Variants in RALGPS1 observed in about 807,000 individuals in gnomAD.
RALGPS1 encodes the protein Ral GEF with PH domain and SH3 binding motif 1.
Under a neutral mutation model 78.8 loss-of-function variants are expected in RALGPS1, and 19 were observed. The observed-to-expected ratio is 0.24, with a 90% CI of 0.17 to 0.35. The LOEUF (loss-of-function observed/expected upper bound fraction) is 0.35, where lower values mean the gene tolerates loss of function less well. Among genes scored for constraint, RALGPS1 ranks in the 10% least tolerant of loss-of-function variants. The probability of loss-of-function intolerance (pLI) is 1.00; values close to 1 mark genes in which losing one functional copy is unlikely to be tolerated. For synonymous variants in RALGPS1, 228 were observed against 256.3 expected, an observed-to-expected ratio of 0.89 and a Z score of 1.06; for missense variants, 454 against 688.3, an observed-to-expected ratio of 0.66 and a Z score of 3.81.
chr9:126,916,655 A>T (rs1038487503), intron 1 of RALGPS1, among the ~76,000 whole-genome samples: 1 of 152,108 alleles, frequency 6.6e-6, no homozygotes, highest in African/African-American at 2.4e-5. Context: ...GGTGGCGGGC[A>T]CCTGTAATCT....
intron 8 of RALGPS1, among the ~76,000 whole-genome samples, chr9:127,075,147 G>A (rs2050567083): frequency 6.6e-6 from 1 of 152,170 alleles, no homozygotes; most frequent in South Asian, 2.1e-4. Context: ...TTCCCAAGAG[G>A]CTCCATGGAG....
chr9:127,040,091 A>C (rs978554061), intron 5 of RALGPS1, among the ~76,000 whole-genome samples: 1 of 152,096 alleles, frequency 6.6e-6, no homozygotes, highest in African/African-American at 2.4e-5. Flanking sequence ...AGGGAAGTTA[A>C]ACTAGTGTCA....
chr9:127,182,159 T>G (rs1360699197), intron 11 of RALGPS1, among the ~76,000 whole-genome samples: 1 of 141,714 alleles, frequency 7.1e-6, no homozygotes, highest in Non-Finnish European at 1.5e-5. Context: ...CTGAGCAATA[T>G]GGCAAAACCC....
chr9:127,079,607 A>G (rs371468370), intron 8 of RALGPS1: 3 of 152,348 alleles, frequency 2.0e-5, no homozygotes, highest in East Asian at 3.9e-4. Flanking sequence ...GGAGGAATCC[A>G]GCTGCTCTGT....
intron 8 of RALGPS1, among the ~76,000 whole-genome samples, chr9:127,105,916 A>G (rs2054173839): frequency 6.6e-6 from 1 of 152,218 alleles, no homozygotes; most frequent in South Asian, 2.1e-4. Context: ...ACATGACATA[A>G]TGTTTCATGC....
chr9:127,140,069 ATATTAT>A (rs1165786738), intron 8 of RALGPS1, among the ~76,000 whole-genome samples: 1 of 152,136 alleles, frequency 6.6e-6, no homozygotes, highest in Non-Finnish European at 1.5e-5. Context: ...CAGCTTTTGT[ATATTAT>A]TATTATTGTT....
At chr9:126,948,695 C>T (rs2037510931) in intron 1 of RALGPS1, among the ~76,000 whole-genome samples, 2 of 152,104 alleles carry the variant, frequency 1.3e-5, no homozygotes, top group African/African-American at 2.4e-5. Context: ...GAATGCCTGT[C>T]ACAGGATGGC....
chr9:127,073,466 C>CTGTGTGTGTGTGTGTGTGTGTGTGTG (rs58611833), intron 8 of RALGPS1, among the ~76,000 whole-genome samples: 1 of 142,920 alleles, frequency 7.0e-6, no homozygotes, highest in Non-Finnish European at 1.5e-5. Context: ...GTGTGTGTGT[C>CTGTGTGTGTGTGTGTGTGTGTGTGTG]TGTGTGTGTG....
At chr9:127,074,707 A>G (rs1431782067) in intron 8 of RALGPS1, among the ~76,000 whole-genome samples, 1 of 152,276 alleles carries the variant, frequency 6.6e-6, no homozygotes, top group Non-Finnish European at 1.5e-5. Flanking sequence ...GAATGCGCAC[A>G]ATAGCCCAGT....
At chr9:126,927,679 C>A (rs768183821) in intron 1 of RALGPS1, among the ~76,000 whole-genome samples, 2 of 152,144 alleles carry the variant, frequency 1.3e-5, no homozygotes, top group Non-Finnish European at 2.9e-5. Flanking sequence ...TCAAGCAATT[C>A]CCTCATGCCT....
intron 8 of RALGPS1, among the ~76,000 whole-genome samples, chr9:127,077,140 C>G (rs1035956963): frequency 2.0e-5 from 3 of 152,144 alleles, no homozygotes; most frequent in Non-Finnish European, 4.4e-5. Context: ...GGGTTTTAAG[C>G]AAGGGCATGC....
intron 1 of RALGPS1, among the ~76,000 whole-genome samples, chr9:126,921,370 A>G (rs776355396): frequency 1.3e-5 from 2 of 152,192 alleles, no homozygotes; most frequent in African/African-American, 4.8e-5. Context: ...CTTCTGAAAG[A>G]TACATTTCAC....
At chr9:127,081,920 G>A (rs2051214968) in intron 8 of RALGPS1, among the ~76,000 whole-genome samples, 1 of 152,256 alleles carries the variant, frequency 6.6e-6, no homozygotes, top group African/African-American at 2.4e-5. Flanking sequence ...GTCTGCGTCT[G>A]GGCTCCCAGT....
chr9:127,146,929 T>C (rs1300332670), intron 8 of RALGPS1, among the ~76,000 whole-genome samples: 1 of 152,250 alleles, frequency 6.6e-6, no homozygotes, highest in Non-Finnish European at 1.5e-5. Flanking sequence ...AGTAGCTCTA[T>C]TTTAAGTTCT....
intron 1 of RALGPS1, among the ~76,000 whole-genome samples, chr9:126,925,557 G>GA (rs113554319): frequency 5.3e-4 from 78 of 146,662 alleles, no homozygotes; most frequent in South Asian, 8.6e-4. Context: ...TCAAAAAAAA[G>GA]AAAAAAAAAA....
Position 126,962,351 on chromosome 9 carries a change from T to G in RALGPS1, c.57+5T>G. ...GTCACCTCTGCCACTCCACAGGTAC[T>G]GAGGCTGCAAGAATCGGGACAGTGG... On this transcript the variant is annotated splice_donor_5th_base_variant and intron_variant, in intron 2 of 18. Coordinates refer to ENST00000259351, the MANE Select transcript of RALGPS1 (RefSeq NM_014636.3). The G allele has an allele frequency of 6.2e-7, 1 of 1,613,998 alleles. No individual in the cohort carries two copies. The highest frequency in any genetic ancestry group is 1.7e-5 in the Admixed American group (1 of 60,026).
intron 4 of RALGPS1, among the ~76,000 whole-genome samples, chr9:127,012,017 G>C (rs2044389461): frequency 6.6e-6 from 1 of 152,214 alleles, no homozygotes; most frequent in Non-Finnish European, 1.5e-5. Flanking sequence ...CTTCCGACTA[G>C]ACGGGCAGAC....
chr9:127,052,783 T>C, intron 6 of RALGPS1, 64 bp from the exon 7 acceptor site: 1 of 1,015,012 alleles, frequency 9.9e-7, no homozygotes, highest in African/African-American at 1.6e-5. Context: ...TTGGTAACAC[T>C]TGAGCATGTT....
intron 4 of RALGPS1, among the ~76,000 whole-genome samples, chr9:126,999,765 G>A (rs2043119808): frequency 6.6e-6 from 1 of 152,184 alleles, no homozygotes; most frequent in African/African-American, 2.4e-5. Context: ...CGGCAATTAT[G>A]AATAAAGCTT....
Sources: gnomAD v4.1 joint callset for allele counts (sites outside exome capture counted in the v4.1 genomes callset) on GRCh38, gnomAD v4.1.1 for gene constraint, MANE v1.5 for transcripts, NCBI Gene and HGNC (gene_info 2026-07-23, HGNC 2026-07-21) for gene names.